The following DZIP3 variants were observed in gnomAD, a reference collection of about 807,000 sequenced individuals.
The protein encoded by DZIP3 is DAZ interacting zinc finger protein 3, also known as E3 ubiquitin-protein ligase DZIP3.
Under a neutral mutation model 162.0 loss-of-function variants are expected in DZIP3, and 118 were observed. The observed-to-expected ratio is 0.73, with a 90% CI of 0.63 to 0.85. The LOEUF (loss-of-function observed/expected upper bound fraction) is 0.85, where lower values mean the gene tolerates loss of function less well. Among genes scored for constraint, DZIP3 ranks in the 40% least tolerant of loss-of-function variants. The pLI, the probability that DZIP3 is intolerant of heterozygous loss-of-function variation, is 0.00. For missense variants in DZIP3, 1,331 were observed against 1,407.0 expected (o/e 0.95, Z 0.86); for synonymous variants, 438 against 458.6 (o/e 0.96, Z 0.57).
chr3:108,676,698 C>T (rs1000415661), intron 25 of DZIP3, among the ~76,000 whole-genome samples: 3 of 151,602 alleles, frequency 2.0e-5, no homozygotes, highest in African/African-American at 7.2e-5. Flanking sequence ...CACTGTTTCT[C>T]TCCAAACTCT....
intron 7 of DZIP3, 110 bp downstream of exon 7, chr3:108,626,079 T>C (rs1301632774): frequency 8.0e-7 from 1 of 1,254,762 alleles, no homozygotes; most frequent in Non-Finnish European, 1.1e-6. Flanking sequence ...CTCTACTGTT[T>C]TATCCTTTTC....
At chr3:108,678,338 T>G (rs1271571166) in intron 26 of DZIP3, among the ~76,000 whole-genome samples, 1 of 151,894 alleles carries the variant, frequency 6.6e-6, no homozygotes, top group Non-Finnish European at 1.5e-5. Flanking sequence ...GTGCTTGAAT[T>G]CTCCCAAAAC....
intron 9 of DZIP3, among the ~76,000 whole-genome samples, chr3:108,634,270 CT>C (rs1277416425): frequency 6.6e-6 from 1 of 152,024 alleles, no homozygotes; most frequent in Non-Finnish European, 1.5e-5. Context: ...CTCAAGAATG[CT>C]TTAGGGTTCT....
intron 5 of DZIP3, among the ~76,000 whole-genome samples, chr3:108,621,445 A>G (rs1941337922): frequency 6.6e-6 from 1 of 152,292 alleles, no homozygotes; most frequent in East Asian, 1.9e-4. Flanking sequence ...ACAACAATCC[A>G]TTTATACTGT....
chr3:108,621,595 A>G (rs12493768), intron 5 of DZIP3, among the ~76,000 whole-genome samples: 31,853 of 152,184 alleles, frequency 0.21, 3,835 homozygotes, highest in East Asian at 0.45. Flanking sequence ...TATGTACAAA[A>G]TACAGGCAAT....
chr3:108,629,687 G>A (rs990897969), intron 8 of DZIP3, among the ~76,000 whole-genome samples: 9 of 151,712 alleles, frequency 5.9e-5, no homozygotes, highest in African/African-American at 2.2e-4. Flanking sequence ...GTGATGTTGT[G>A]CACACTTATT....
chr3:108,684,670 T>C (rs1185795823), intron 27 of DZIP3, among the ~76,000 whole-genome samples: 1 of 152,090 alleles, frequency 6.6e-6, no homozygotes, highest in African/African-American at 2.4e-5. Context: ...GTTGGGAAGA[T>C]TGAAAAGCAA....
intron 4 of DZIP3, 145 bp from the exon 5 acceptor site, chr3:108,616,396 G>C (rs1941015040): frequency 2.1e-6 from 1 of 487,410 alleles, no homozygotes; most frequent in Non-Finnish European, 3.5e-6. Context: ...AGTGTATCTG[G>C]TTGGTATGGA....
At chr3:108,625,727 G>A (rs932864223) in intron 6 of DZIP3, 118 bp from the exon 7 acceptor site, 3 of 999,792 alleles carry the variant, frequency 3.0e-6, no homozygotes, top group Non-Finnish European at 2.8e-6. Context: ...TAAATGACCA[G>A]ATGATTGTAT....
In DZIP3 at chr3:108,686,413, C is replaced by G. The variant is rs767044817; in HGVS notation, c.3010-32C>G. 7 of 1,496,026 alleles carry G rather than the reference C, an allele frequency of 4.7e-6. No individual in the cohort carries two copies. In the East Asian group the frequency reaches 1.7e-4, roughly 36 times the overall value. The allele number at this position is 1,496,026 out of a possible 1,614,324, so 92.7% of individuals were successfully genotyped here. ...GGAATGTCACTTCTTAATAATTAAACCTGCTGGGCTATAGCTCTCTGCCTC... is the reference window on the plus strand; with the variant it reads ...GGAATGTCACTTCTTAATAATTAAAGCTGCTGGGCTATAGCTCTCTGCCTC... On this transcript the variant is annotated intron_variant, in intron 27 of 32. Coordinates refer to ENST00000361582, the MANE Select transcript of DZIP3 (RefSeq NM_014648.4).
intron 10 of DZIP3, among the ~76,000 whole-genome samples, chr3:108,635,584 T>C (rs905188915): frequency 2.0e-5 from 3 of 147,150 alleles, no homozygotes; most frequent in African/African-American, 7.4e-5. Flanking sequence ...CATAATTATA[T>C]ATAACTAACT....
chr3:108,632,238 C>A (rs997347110), intron 8 of DZIP3, among the ~76,000 whole-genome samples: 1 of 151,908 alleles, frequency 6.6e-6, no homozygotes, highest in African/African-American at 2.4e-5. Context: ...TTGTTTTATT[C>A]TATTTTATTT....
rs1174758377 is a variant in DZIP3 at position 108,592,402 on chromosome 3, A to C, written c.-73+2563A>C. Among the ~76,000 whole-genome samples, 3 of 152,272 alleles carry C rather than the reference A, an allele frequency of 2.0e-5. No homozygotes were observed. The East Asian group carries it at 5.8e-4, about 29-fold the overall frequency. ...ACTGCTGAGTTAGTTAATAGAAAGT[A>C]TTAAGGGTGTGCCAGGCGTAGTGGC... is the stretch of plus-strand genomic sequence containing the variant. On this transcript the variant is annotated intron_variant, in intron 1 of 32. Coordinates refer to ENST00000361582, the MANE Select transcript of DZIP3 (RefSeq NM_014648.4).
intron 31 of DZIP3, 24 bp downstream of exon 31, chr3:108,688,948 A>G (rs754428617): frequency 1.3e-6 from 2 of 1,596,134 alleles, no homozygotes; most frequent in Non-Finnish European, 1.7e-6. Context: ...TTTTCCCATT[A>G]ATCAGCTAAA....
At chr3:108,688,217 T>C (rs1944562596) in intron 29 of DZIP3, 121 bp downstream of exon 29, 5 of 1,237,932 alleles carry the variant, frequency 4.0e-6, no homozygotes, top group Non-Finnish European at 5.6e-6. Context: ...TATTAAATCA[T>C]CTATTAACAG....
At chr3:108,612,838 A>G (rs939859809) in intron 4 of DZIP3, among the ~76,000 whole-genome samples, 5 of 152,114 alleles carry the variant, frequency 3.3e-5, no homozygotes, top group Admixed American at 6.5e-5. Context: ...CATGGAGGCA[A>G]AACCTGTGGA....
rs1400190535 is a variant in DZIP3 at position 108,686,188 on chromosome 3, ATTGT to A, written c.3010-252_3010-249del. Among the ~76,000 whole-genome samples, 9 of 152,328 alleles carry A rather than the reference ATTGT, an allele frequency of 5.9e-5. No homozygotes were observed. The East Asian group carries it at 1.7e-3, about 29-fold the overall frequency. Reference sequence around the variant, plus strand: ...TAAATATTTATAAACAGTTAGAAATATTGTTTGTATTAGTTAAGAGAAAAACCCT... The same window carrying A: ...TAAATATTTATAAACAGTTAGAAATATTGTATTAGTTAAGAGAAAAACCCT... On this transcript the variant is annotated intron_variant, in intron 27 of 32. Coordinates refer to ENST00000361582, the MANE Select transcript of DZIP3 (RefSeq NM_014648.4).
At chr3:108,644,046 A>G (rs1435504114) in intron 13 of DZIP3, 118 bp from the exon 14 acceptor site, 3 of 1,285,782 alleles carry the variant, frequency 2.3e-6, no homozygotes, top group African/African-American at 3.0e-5. Flanking sequence ...GCACTGTACT[A>G]TCCTTCATTC....
In DZIP3 at chr3:108,686,541, A is replaced by G. The variant is rs780086432; in HGVS notation, c.3106A>G (p.Arg1036Gly). ...RSDPSIMNWE[R>G]ITDRLKTAFP... ...TGATCCCTCCATCATGAATTGGGAGAGAATTACAGACAGGCTGAAAACTGC... is the reference window on the plus strand; with the variant it reads ...TGATCCCTCCATCATGAATTGGGAGGGAATTACAGACAGGCTGAAAACTGC... The change falls in exon 28 of 33, where the codon AGA (arginine) becomes GGA (glycine). Residue 1036 changes from arginine (R) to glycine (G), a missense_variant. By Grantham distance (125) the Arg-to-Gly change is moderately radical. Transcript: ENST00000361582. The G allele has an allele frequency of 6.2e-7, 1 of 1,611,306 alleles. No individual in the cohort carries two copies. Among genetic ancestry groups the G allele is most frequent in the South Asian group, 1.1e-5 (1 of 90,652 alleles).
Sources: gnomAD v4.1 joint callset for allele counts (sites outside exome capture counted in the v4.1 genomes callset) on GRCh38, gnomAD v4.1.1 for gene constraint, MANE v1.5 for transcripts, NCBI Gene and HGNC (gene_info 2026-07-23, HGNC 2026-07-21) for gene names.